The following FAM135B variants were observed in gnomAD, a reference collection of about 807,000 sequenced individuals.
FAM135B encodes protein FAM135B.
A neutral mutation model predicts 127.7 loss-of-function variants in FAM135B; 43 were observed. The observed-to-expected ratio is 0.34, with a 90% confidence interval of 0.26 to 0.43. The LOEUF is 0.43. FAM135B is among the 20% of genes least tolerant of loss of function. FAM135B has a pLI of 1.00. For synonymous variants in FAM135B, 670 were observed against 665.1 expected (o/e 1.01, Z -0.11); for missense variants, 1,558 against 1,725.6 (o/e 0.90, Z 1.72).
intron 9 of FAM135B, among the ~76,000 whole-genome samples, chr8:138,191,016 C>G (rs1816073352): frequency 6.6e-6 from 1 of 152,186 alleles, no homozygotes; most frequent in African/African-American, 2.4e-5. Context: ...TTCTCAGGAT[C>G]TTCTGGGGCT....
intron 1 of FAM135B, among the ~76,000 whole-genome samples, chr8:138,480,135 G>A (rs11776766): frequency 0.029 from 4,398 of 152,286 alleles, 97 homozygotes; most frequent in Middle Eastern, 0.044. Flanking sequence ...TCTGGGAGTT[G>A]AGCACTGGCT....
intron 14 of FAM135B, 23 bp from the exon 15 acceptor site, chr8:138,146,073 ATCCCAGTC>A (rs1817623792): frequency 1.4e-5 from 18 of 1,312,332 alleles, no homozygotes; most frequent in Middle Eastern, 3.7e-4. Context: ...GATAACCCCC[ATCCCAGTC>A]CCGTAGTTAG....
intron 17 of FAM135B, among the ~76,000 whole-genome samples, chr8:138,139,597 A>C (rs769050291): frequency 4.6e-5 from 7 of 152,232 alleles, no homozygotes; most frequent in Middle Eastern, 6.8e-3. Flanking sequence ...AAATGGTGAA[A>C]TCCCGACTCT....
At position 138,243,174 on chromosome 8, in the gene FAM135B, C is replaced by T; in HGVS notation, c.543-106G>A. 1 of 1,340,946 alleles carries T rather than the reference C, an allele frequency of 7.5e-7. No homozygotes were observed. The highest frequency in any genetic ancestry group is 1.5e-5 in the South Asian group (1 of 64,922). 83.1% of individuals were successfully genotyped at this position (1,340,946 alleles called of 1,614,324 possible). On this transcript the variant is annotated intron_variant, in intron 6 of 19. Transcript: ENST00000395297. The surrounding 1 kb of genome is among the most constrained non-coding windows in gnomAD (Gnocchi z 7.5). The stretch of plus-strand genomic sequence containing the variant: ...TTCCTGTGAAGCATTTGGGATAAGT[C>T]ATTTAGGAGTAGTTCACCCCCTAGG...
intron 5 of FAM135B, among the ~76,000 whole-genome samples, chr8:138,254,780 C>T (rs968235606): frequency 6.6e-6 from 1 of 152,076 alleles, no homozygotes; most frequent in Admixed American, 6.5e-5. Context: ...GAAGTTGAAC[C>T]CAGACTGTGG....
chr8:138,179,519 T>C (rs1814805042), intron 9 of FAM135B, among the ~76,000 whole-genome samples: 1 of 152,074 alleles, frequency 6.6e-6, no homozygotes, highest in Non-Finnish European at 1.5e-5. Context: ...ATGGAAGGGA[T>C]GTATGACTAT....
At chr8:138,275,421 A>G (rs1823744127) in intron 3 of FAM135B, among the ~76,000 whole-genome samples, 1 of 152,234 alleles carries the variant, frequency 6.6e-6, no homozygotes, top group Admixed American at 6.5e-5. Context: ...ACGATGACTC[A>G]TTCTTACAAT....
chr8:138,478,004 T>G (rs928513413), intron 1 of FAM135B, among the ~76,000 whole-genome samples: 2 of 152,156 alleles, frequency 1.3e-5, no homozygotes, highest in African/African-American at 4.8e-5. Flanking sequence ...AGTAGCAGCA[T>G]GAGCCAGATC....
chr8:138,168,325 A>C (rs1820132351), intron 11 of FAM135B, among the ~76,000 whole-genome samples: 1 of 152,220 alleles, frequency 6.6e-6, no homozygotes, highest in Non-Finnish European at 1.5e-5. Context: ...GTGGAATATA[A>C]TAAATACCAC....
Position 138,152,678 on chromosome 8 carries a change from T to C in FAM135B, c.1797A>G (p.Gly599=), listed in dbSNP as rs1325545324. 3.1e-6 allele frequency: 5 copies of C among 1,614,078 alleles called. No homozygotes were observed. In the Admixed American group the frequency reaches 6.7e-5, roughly 22 times the overall value. The stretch of plus-strand genomic sequence containing the variant: ...CTGAAGAGATGGCATTTTGGTGGCT[T>C]CCACCTACTACCACTTTGCTTAGCC... The part of the protein sequence containing the change: ...RTGLSKVVVG[G]SHQNAISSDK... The change falls in exon 13 of 20, where the codon GGA becomes GGG. Residue 599 remains glycine, a synonymous_variant. Transcript: ENST00000395297.
chr8:138,172,206 C>G (rs987080590), intron 11 of FAM135B, among the ~76,000 whole-genome samples: 4 of 152,194 alleles, frequency 2.6e-5, no homozygotes, highest in Non-Finnish European at 5.9e-5. Context: ...ATTATTAGCA[C>G]AACTGGGAGT....
At chr8:138,366,541 C>T (rs1332651484) in intron 2 of FAM135B, among the ~76,000 whole-genome samples, 1 of 152,212 alleles carries the variant, frequency 6.6e-6, no homozygotes, top group Non-Finnish European at 1.5e-5. Context: ...CAAAACCCCT[C>T]CTCATATGCC....
intron 12 of FAM135B, among the ~76,000 whole-genome samples, chr8:138,165,642 C>T (rs1025502684): frequency 2.0e-5 from 3 of 152,148 alleles, no homozygotes; most frequent in Non-Finnish European, 2.9e-5. Flanking sequence ...GTAGTTAAAT[C>T]ATGTAACTCT....
chr8:138,436,695 A>G (rs1343275244), intron 1 of FAM135B, among the ~76,000 whole-genome samples: 1 of 152,224 alleles, frequency 6.6e-6, no homozygotes, highest in African/African-American at 2.4e-5. Flanking sequence ...TCTGATTAGA[A>G]TGTGACTTTC....
Position 138,359,793 on chromosome 8 carries a change from G to A in FAM135B, c.77+8114C>T, listed in dbSNP as rs533126985. On this transcript the variant is annotated intron_variant, in intron 2 of 19. Coordinates refer to ENST00000395297, the MANE Select transcript of FAM135B (RefSeq NM_015912.4). Reference sequence around the variant, plus strand: ...TTCACAGGGGAGCTGGATGTCGCTGGGCATTAGGCAGTGATGGGACACATC... The same window carrying A: ...TTCACAGGGGAGCTGGATGTCGCTGAGCATTAGGCAGTGATGGGACACATC... Among the ~76,000 whole-genome samples the A allele has an allele frequency of 1.8e-4, 27 of 152,254 alleles. 1 individual carries two copies. In the South Asian group the frequency reaches 5.6e-3, roughly 32 times the overall value.
intron 1 of FAM135B, among the ~76,000 whole-genome samples, chr8:138,426,845 A>C (rs778084932): frequency 1.3e-5 from 2 of 152,006 alleles, no homozygotes; most frequent in Non-Finnish European, 1.5e-5. Flanking sequence ...CTGAATTTTG[A>C]GATATGGCTT....
At position 138,229,295 on chromosome 8, in the gene FAM135B, G is replaced by A. The variant is rs553217839; in HGVS notation, c.669+13647C>T. On this transcript the variant is annotated intron_variant, in intron 7 of 19. Coordinates refer to ENST00000395297, the MANE Select transcript of FAM135B (RefSeq NM_015912.4). ...GACTCATCTCCAAGTGTGTCTGGGC[G>A]TGGCATTGGACACCTTCTATGATCT... Among the ~76,000 whole-genome samples the A allele has an allele frequency of 4.4e-4, 67 of 152,236 alleles. 2 individuals carry two copies. In the South Asian group the frequency reaches 0.012, roughly 28 times the overall value.
At chr8:138,425,942 A>T (rs1223602141) in intron 1 of FAM135B, among the ~76,000 whole-genome samples, 3 of 143,906 alleles carry the variant, frequency 2.1e-5, no homozygotes, top group Admixed American at 7.2e-5. Context: ...TGAAGTCAGG[A>T]GTTCGAGACC....
intron 1 of FAM135B, among the ~76,000 whole-genome samples, chr8:138,387,183 A>G (rs1345565689): frequency 6.6e-6 from 1 of 152,220 alleles, no homozygotes; most frequent in African/African-American, 2.4e-5. Context: ...TTATAGTTGC[A>G]CAGACCAGCC....
Sources: gnomAD v4.1 joint callset for allele counts (sites outside exome capture counted in the v4.1 genomes callset) on GRCh38, gnomAD v4.1.1 for gene constraint, Gnocchi (gnomAD v3.1) non-coding constraint, MANE v1.5 for transcripts, NCBI Gene and HGNC (gene_info 2026-07-23, HGNC 2026-07-21) for gene names.